TOX: variants seen among roughly 807,000 people sequenced by gnomAD.
TOX encodes the protein thymocyte selection-associated high mobility group box protein TOX.
A neutral mutation model predicts 53.7 loss-of-function variants in TOX; 11 were observed. The ratio of observed to expected loss-of-function variants is 0.20; its 90% CI spans 0.13 to 0.34. The LOEUF (loss-of-function observed/expected upper bound fraction) is 0.34. Among genes scored for constraint, TOX ranks in the 10% least tolerant of loss-of-function variants. The pLI is 1.00. For synonymous variants in TOX, 225 were observed against 245.3 expected, an observed-to-expected ratio of 0.92 and a Z score of 0.77; for missense variants, 570 against 664.6, an observed-to-expected ratio of 0.86 and a Z score of 1.56.
At chr8:59,081,727 C>T (rs1292871743) in intron 1 of TOX, among the ~76,000 whole-genome samples, 2 of 152,136 alleles carry the variant, frequency 1.3e-5, no homozygotes, top group Non-Finnish European at 2.9e-5. Flanking sequence ...CACTAGCCTC[C>T]TTTGGCATCA....
intron 3 of TOX, among the ~76,000 whole-genome samples, chr8:58,867,538 C>T (rs1811124483): frequency 6.6e-6 from 1 of 152,200 alleles, no homozygotes; most frequent in Non-Finnish European, 1.5e-5. Context: ...CCTTCCTAAC[C>T]CAAGCATCTT....
intron 2 of TOX, among the ~76,000 whole-genome samples, chr8:58,951,058 C>T (rs373420121): frequency 5.3e-5 from 8 of 152,128 alleles, no homozygotes; most frequent in South Asian, 4.1e-4. Context: ...AACACATTGC[C>T]GTTATCTCAA....
At chr8:58,864,419 T>A (rs1437097813) in intron 3 of TOX, among the ~76,000 whole-genome samples, 1 of 152,096 alleles carries the variant, frequency 6.6e-6, no homozygotes, top group Non-Finnish European at 1.5e-5. Flanking sequence ...AAATAAAAAA[T>A]ACACTACCAT....
intron 1 of TOX, among the ~76,000 whole-genome samples, chr8:58,982,580 T>C: frequency 6.6e-6 from 1 of 152,230 alleles, no homozygotes; most frequent in Middle Eastern, 3.2e-3. Context: ...TGAATCCTTC[T>C]CTATTCTTTG....
intron 1 of TOX, among the ~76,000 whole-genome samples, chr8:59,042,445 A>G (rs1314906412): frequency 1.3e-5 from 2 of 152,236 alleles, no homozygotes; most frequent in Non-Finnish European, 2.9e-5. Context: ...ATATTAATCC[A>G]TAATCTTAAC....
intron 1 of TOX, among the ~76,000 whole-genome samples, chr8:58,972,735 TATC>T (rs1471380997): frequency 6.6e-6 from 1 of 152,202 alleles, no homozygotes; most frequent in Non-Finnish European, 1.5e-5. Flanking sequence ...ATCTCTTCTG[TATC>T]ATATTTTTCA....
At chr8:59,042,250 A>C (rs1803601430) in intron 1 of TOX, among the ~76,000 whole-genome samples, 1 of 152,206 alleles carries the variant, frequency 6.6e-6, no homozygotes, top group Non-Finnish European at 1.5e-5. Context: ...AAGAATCAGA[A>C]GTTCTTCAAC....
intron 1 of TOX, among the ~76,000 whole-genome samples, chr8:58,978,171 A>C (rs968562381): frequency 6.6e-6 from 1 of 152,140 alleles, no homozygotes; most frequent in African/African-American, 2.4e-5. Context: ...GAGTCTCAGG[A>C]AAGAGTGGAA....
chr8:58,973,669 C>T lies in TOX; in HGVS notation c.103-13661G>A, dbSNP rs564323034. Among the ~76,000 whole-genome samples, 50 of 152,206 alleles carry T rather than the reference C, an allele frequency of 3.3e-4. 2 individuals carry two copies. The South Asian group carries it at 0.01, about 32-fold the overall frequency. On this transcript the variant is annotated intron_variant, in intron 1 of 8. Coordinates refer to ENST00000361421, the MANE Select transcript of TOX (RefSeq NM_014729.3). Reference sequence around the variant, plus strand: ...GAAGGTTATTAGCATTTCCTTGGTTCTTTGTGGATTCAAAGTTTTGTTTTG... The same window carrying T: ...GAAGGTTATTAGCATTTCCTTGGTTTTTTGTGGATTCAAAGTTTTGTTTTG...
intron 1 of TOX, among the ~76,000 whole-genome samples, chr8:58,981,926 C>T (rs1365838202): frequency 6.6e-6 from 1 of 152,276 alleles, no homozygotes; most frequent in East Asian, 1.9e-4. Context: ...CTTAAGCCTA[C>T]AAAAAGGCTC....
chr8:59,071,256 C>T (rs1368817793), intron 1 of TOX, among the ~76,000 whole-genome samples: 1 of 152,104 alleles, frequency 6.6e-6, no homozygotes, highest in Middle Eastern at 3.2e-3. Flanking sequence ...GATGCCAAAA[C>T]TCCAAGACAC....
chr8:58,961,144 C>T (rs931051304), intron 1 of TOX, among the ~76,000 whole-genome samples: 2 of 152,144 alleles, frequency 1.3e-5, no homozygotes, highest in African/African-American at 2.4e-5. Context: ...CATTCCACCA[C>T]CTATGAACTG....
intron 1 of TOX, among the ~76,000 whole-genome samples, chr8:59,066,825 C>T (rs1466729586): frequency 2.0e-5 from 3 of 152,206 alleles, no homozygotes; most frequent in Non-Finnish European, 2.9e-5. Context: ...CAGTTATTCT[C>T]AACTTACAAG....
Position 58,960,499 on chromosome 8 carries a change from C to T in TOX, c.103-491G>A, listed in dbSNP as rs36120107. ...ACTAAAACTGGCATCATCATAATAG[C>T]CTTCTGATTAAGAAAAATTTAACTT... On this transcript the variant is annotated intron_variant, in intron 1 of 8. Transcript: ENST00000361421. Among the ~76,000 whole-genome samples, 467 of 152,214 alleles carry T rather than the reference C, an allele frequency of 3.1e-3. 2 individuals carry two copies. Among genetic ancestry groups the T allele is most frequent in the Non-Finnish European group, 4.2e-3 (287 of 68,022 alleles).
chr8:59,031,459 G>A (rs182227095), intron 1 of TOX, among the ~76,000 whole-genome samples: 5 of 152,280 alleles, frequency 3.3e-5, no homozygotes, highest in East Asian at 3.9e-4. Flanking sequence ...TGTTCCAGGC[G>A]CTGTTCTAAT....
At chr8:59,104,953 T>C (rs767811496) in intron 1 of TOX, among the ~76,000 whole-genome samples, 2 of 152,196 alleles carry the variant, frequency 1.3e-5, no homozygotes, top group Non-Finnish European at 2.9e-5. Flanking sequence ...ATTAGCCATA[T>C]GGAGGGAGGG....
intron 1 of TOX, among the ~76,000 whole-genome samples, chr8:59,060,284 C>G (rs542435248): frequency 6.6e-6 from 1 of 152,194 alleles, no homozygotes; most frequent in Non-Finnish European, 1.5e-5. Context: ...GCAACTCTTC[C>G]TTTCTTCCTT....
At chr8:59,018,103 A>G (rs530714523) in intron 1 of TOX, among the ~76,000 whole-genome samples, 2 of 152,126 alleles carry the variant, frequency 1.3e-5, no homozygotes, top group African/African-American at 4.8e-5. Context: ...ATAAATTCCA[A>G]GCAAAGACTG....
intron 1 of TOX, among the ~76,000 whole-genome samples, chr8:59,083,277 A>G (rs776630164): frequency 2.0e-4 from 30 of 152,246 alleles, no homozygotes; most frequent in Non-Finnish European, 2.1e-4. Context: ...TATTTATTTA[A>G]GCAAAATTTC....
Sources: gnomAD v4.1 joint callset for allele counts (sites outside exome capture counted in the v4.1 genomes callset) on GRCh38, gnomAD v4.1.1 for gene constraint, MANE v1.5 for transcripts, NCBI Gene and HGNC (gene_info 2026-07-23, HGNC 2026-07-21) for gene names.